The following DLG1 variants were observed in gnomAD, a reference collection of about 807,000 sequenced individuals.
DLG1 encodes the protein disks large homolog 1.
Under a neutral mutation model 123.4 loss-of-function variants are expected in DLG1, and 42 were observed. That is an observed-to-expected ratio of 0.34 (90% CI 0.27 to 0.44). DLG1 has a LOEUF of 0.44. Ranked by LOEUF, DLG1 falls within the 20% of genes least tolerant of loss-of-function variation. DLG1 has a pLI of 1.00. For synonymous variants in DLG1, 317 were observed against 356.2 expected (o/e 0.89, Z 1.24); for missense variants, 942 against 1,082.6 (o/e 0.87, Z 1.82).
intron 22 of DLG1, among the ~76,000 whole-genome samples, chr3:197,063,419 G>A (rs939368410): frequency 5.9e-5 from 9 of 151,862 alleles, no homozygotes; most frequent in Admixed American, 5.9e-4. Flanking sequence ...CACTCCCTCT[G>A]TAGGTAACCA....
At chr3:197,258,755 A>G (rs997727536) in intron 4 of DLG1, among the ~76,000 whole-genome samples, 2 of 152,148 alleles carry the variant, frequency 1.3e-5, no homozygotes, top group Non-Finnish European at 2.9e-5. Flanking sequence ...AAAATCAAGA[A>G]TTTTGCTCTT....
chr3:197,044,911 T>C (rs914085394), intron 24 of DLG1, among the ~76,000 whole-genome samples, 182 bp from the exon 25 acceptor site: 2 of 152,190 alleles, frequency 1.3e-5, no homozygotes, highest in Admixed American at 6.5e-5. Flanking sequence ...ATTTATATAG[T>C]ATAAAATTTT....
At chr3:197,248,716 C>T (rs1752959154) in intron 4 of DLG1, among the ~76,000 whole-genome samples, 1 of 151,266 alleles carries the variant, frequency 6.6e-6, no homozygotes, top group African/African-American at 2.4e-5. Context: ...TAGAATAGGA[C>T]AAAGAACCAG....
intron 5 of DLG1, among the ~76,000 whole-genome samples, chr3:197,183,106 A>G (rs1183834600): frequency 6.6e-6 from 1 of 152,170 alleles, no homozygotes; most frequent in Non-Finnish European, 1.5e-5. Flanking sequence ...CTAGCCAATT[A>G]TATTAAATTG....
chr3:197,208,391 A>C (rs890181958), intron 4 of DLG1, among the ~76,000 whole-genome samples: 3 of 146,794 alleles, frequency 2.0e-5, no homozygotes, highest in African/African-American at 7.3e-5. Context: ...CTGACCTGAT[A>C]ATTCTACTTT....
chr3:197,112,993 A>G (rs987391501), intron 13 of DLG1, among the ~76,000 whole-genome samples: 10 of 152,150 alleles, frequency 6.6e-5, no homozygotes, highest in Non-Finnish European at 1.0e-4. Flanking sequence ...ATAGTCTCTG[A>G]TATTTTCTTC....
rs1391535764 is a variant in DLG1, at chr3:197,072,693, A to C, written c.2006-3433T>G. 6.6e-5 allele frequency among the ~76,000 whole-genome samples: 10 copies of C among 150,436 alleles called. No homozygotes were observed. In the South Asian group the frequency reaches 1.1e-3, roughly 16 times the overall value. Reference sequence around the variant, plus strand: ...TTATGATTGTCTTAAAAAAAAAAAAAACAAAAAAACAAAAAAAAAACCTGA... The same window carrying C: ...TTATGATTGTCTTAAAAAAAAAAAACACAAAAAAACAAAAAAAAAACCTGA... On this transcript the variant is annotated intron_variant, in intron 18 of 24. Transcript: ENST00000667157.
chr3:197,093,140 A>T (rs1253087730), intron 14 of DLG1, among the ~76,000 whole-genome samples: 1 of 152,012 alleles, frequency 6.6e-6, no homozygotes, highest in Non-Finnish European at 1.5e-5. Flanking sequence ...ACACACAAAC[A>T]TCACAAGCAT....
intron 4 of DLG1, among the ~76,000 whole-genome samples, chr3:197,201,946 G>A (rs796206622): frequency 4.0e-5 from 6 of 151,296 alleles, no homozygotes; most frequent in African/African-American, 1.5e-4. Context: ...TAAATAATGT[G>A]TACACATGGA....
intron 5 of DLG1, among the ~76,000 whole-genome samples, chr3:197,193,629 G>C (rs1187711979): frequency 6.6e-6 from 1 of 152,162 alleles, no homozygotes; most frequent in Non-Finnish European, 1.5e-5. Context: ...AGTAAAGAGT[G>C]CAAGTTAAAT....
chr3:197,061,622 T>C (rs1735909508), intron 22 of DLG1, among the ~76,000 whole-genome samples: 1 of 152,192 alleles, frequency 6.6e-6, no homozygotes, highest in Non-Finnish European at 1.5e-5. Flanking sequence ...TTGAAGAGTA[T>C]AAAATATTTA....
intron 5 of DLG1, among the ~76,000 whole-genome samples, chr3:197,188,373 CTG>C (rs1459587749): frequency 2.7e-5 from 4 of 149,778 alleles, no homozygotes; most frequent in Non-Finnish European, 4.4e-5. Flanking sequence ...TCACATCATA[CTG>C]TGTTAACTAT....
At position 197,194,581 on chromosome 3, in the gene DLG1, C is replaced by T. The variant is rs1721404187; in HGVS notation, c.327G>A (p.Arg109=). 6.3e-7 allele frequency: 1 copy of T among 1,580,918 alleles called. No individual in the cohort carries two copies. Among genetic ancestry groups the T allele is most frequent in the East Asian group, 2.3e-5 (1 of 43,454 alleles). ...GAGGAGGTGTATCTTCATCCTGATACCTGTATTTCTGTAAAGAAAATAAAC... is the reference window on the plus strand; with the variant it reads ...GAGGAGGTGTATCTTCATCCTGATATCTGTATTTCTGTAAAGAAAATAAAC... ...SSLSPSVEKY[R]YQDEDTPPQE... is the part of the protein sequence containing the mutation. The change falls in exon 5 of 25, where the codon AGG becomes AGA. Residue 109 remains arginine, a synonymous_variant. Transcript: ENST00000667157.
chr3:197,252,502 T>C (rs1754930895), intron 4 of DLG1, among the ~76,000 whole-genome samples: 1 of 152,186 alleles, frequency 6.6e-6, no homozygotes, highest in Non-Finnish European at 1.5e-5. Context: ...AAATACCATC[T>C]GACTATACTT....
intron 4 of DLG1, among the ~76,000 whole-genome samples, chr3:197,274,086 T>C (rs1765249008): frequency 6.6e-6 from 1 of 152,088 alleles, no homozygotes; most frequent in East Asian, 1.9e-4. Context: ...ACATTCTTCA[T>C]AGAAATAGAA....
At chr3:197,124,572 T>G (rs1205420331) in intron 11 of DLG1, among the ~76,000 whole-genome samples, 1 of 151,910 alleles carries the variant, frequency 6.6e-6, no homozygotes, top group Non-Finnish European at 1.5e-5. Flanking sequence ...CCGTGCCTGG[T>G]CTCTTTTTTA....
chr3:197,051,028 T>C (rs141956588), intron 24 of DLG1, among the ~76,000 whole-genome samples: 1 of 152,214 alleles, frequency 6.6e-6, no homozygotes, highest in African/African-American at 2.4e-5. Flanking sequence ...TGGTCAAGTA[T>C]GAATTATTCC....
At position 197,211,744 on chromosome 3, in the gene DLG1, C is replaced by T; in HGVS notation, c.319-17155G>A. On this transcript the variant is annotated intron_variant, in intron 4 of 24. Transcript: ENST00000667157. ...CAGAACTACCATTTGACCCAGCAAT[C>T]CCATTACTGGTTATATACCTAGAGG... Among the ~76,000 whole-genome samples the T allele has an allele frequency of 1.4e-5, 2 of 146,338 alleles. 1 individual carries two copies. Among genetic ancestry groups the T allele is most frequent in the Non-Finnish European group, 3.1e-5 (2 of 65,292 alleles).
chr3:197,195,394 T>C (rs553328532), intron 4 of DLG1, among the ~76,000 whole-genome samples: 4 of 152,114 alleles, frequency 2.6e-5, no homozygotes, highest in Admixed American at 6.5e-5. Flanking sequence ...AGTCAATCAA[T>C]TGATTGATCA....
Sources: gnomAD v4.1 joint callset for allele counts (sites outside exome capture counted in the v4.1 genomes callset) on GRCh38, gnomAD v4.1.1 for gene constraint, MANE v1.5 for transcripts, NCBI Gene and HGNC (gene_info 2026-07-23, HGNC 2026-07-21) for gene names.